Variants in TUSC3 observed in about 807,000 individuals in gnomAD.
TUSC3 encodes the protein tumor suppressor candidate 3.
A neutral mutation model predicts 44.8 loss-of-function variants in TUSC3; 45 were observed. That is an observed-to-expected ratio of 1.00 (90% CI 0.79 to 1.29). TUSC3 has a LOEUF of 1.29. TUSC3 is among the 50% of genes most tolerant of loss of function. The pLI is 0.00. For missense variants in TUSC3, 519 were observed against 437.9 expected (o/e 1.19, Z -1.65); for synonymous variants, 212 against 152.9 (o/e 1.39, Z -2.85).
chr8:15,786,261 A>G, the TUSC3 span, among the ~76,000 whole-genome samples: 2 of 152,222 alleles, frequency 1.3e-5, no homozygotes, highest in Non-Finnish European at 2.9e-5. Context: ...GACAACTTAA[A>G]CCATCTGACA....
At chr8:15,821,381 G>A in the TUSC3 span, among the ~76,000 whole-genome samples, 4 of 129,606 alleles carry the variant, frequency 3.1e-5, no homozygotes, top group Non-Finnish European at 4.9e-5. Flanking sequence ...TTTTTGGATT[G>A]GGGAGTAGTC....
In TUSC3 at chr8:15,735,682, G is replaced by A. The variant is rs1048820752; in HGVS notation, c.862+4953G>A. Among the ~76,000 whole-genome samples the A allele has an allele frequency of 2.0e-5, 3 of 151,900 alleles. No homozygotes were observed. In the South Asian group the frequency reaches 6.2e-4, roughly 32 times the overall value. On this transcript the variant is annotated intron_variant, in intron 7 of 10. Coordinates refer to ENST00000503731, the MANE Select transcript of TUSC3 (RefSeq NM_006765.4). Reference sequence around the variant, plus strand: ...AGATCATCATAATAAAGATACAGTGGATATGTTGATTTATTTTTTATTTTT... The same window carrying A: ...AGATCATCATAATAAAGATACAGTGAATATGTTGATTTATTTTTTATTTTT...
chr8:15,699,483 A>T (rs1809306496), intron 6 of TUSC3, among the ~76,000 whole-genome samples: 3 of 152,118 alleles, frequency 2.0e-5, no homozygotes, highest in Non-Finnish European at 1.5e-5. Flanking sequence ...CTAACATAAA[A>T]CCTAGCATTA....
intron 1 of TUSC3, among the ~76,000 whole-genome samples, chr8:15,551,471 G>A (rs1181356952): frequency 6.6e-6 from 1 of 151,570 alleles, no homozygotes; most frequent in Non-Finnish European, 1.5e-5. Context: ...TATATGATTC[G>A]TGGGGGGTAA....
chr8:15,770,495 G>A (rs920213991), downstream of TUSC3, among the ~76,000 whole-genome samples: 2 of 152,210 alleles, frequency 1.3e-5, no homozygotes, highest in South Asian at 4.1e-4. Context: ...ACCATGGCAT[G>A]TGTATACCTC....
rs190033007 is a variant in TUSC3, at chr8:15,605,180, C to G, written c.139-17900C>G. On this transcript the variant is annotated intron_variant, in intron 1 of 10. Coordinates refer to ENST00000503731, the MANE Select transcript of TUSC3 (RefSeq NM_006765.4). Reference sequence around the variant, plus strand: ...TCGCTTCCAAAAGAGTAGAATCAATCAATAGATGGGAAGATTAGTATAGGA... The same window carrying G: ...TCGCTTCCAAAAGAGTAGAATCAATGAATAGATGGGAAGATTAGTATAGGA... Among the ~76,000 whole-genome samples the G allele has an allele frequency of 1.4e-4, 21 of 151,934 alleles. No homozygotes were observed. In the East Asian group the frequency reaches 3.9e-3, roughly 28 times the overall value.
chr8:15,678,265 G>C (rs1460540842), intron 6 of TUSC3, among the ~76,000 whole-genome samples: 1 of 152,174 alleles, frequency 6.6e-6, no homozygotes, highest in Non-Finnish European at 1.5e-5. Flanking sequence ...GTCAAAGAAA[G>C]CCATCTAGTC....
chr8:15,618,164 G>A (rs999029920), intron 1 of TUSC3, among the ~76,000 whole-genome samples: 1 of 152,196 alleles, frequency 6.6e-6, no homozygotes, highest in South Asian at 2.1e-4. Context: ...GTAGCGGTGA[G>A]TGAGTGTGAA....
chr8:15,718,037 A>C (rs1810130450), intron 6 of TUSC3, among the ~76,000 whole-genome samples: 1 of 152,060 alleles, frequency 6.6e-6, no homozygotes, highest in Admixed American at 6.6e-5. Context: ...TAAGTACTAG[A>C]TATTGATTGA....
At chr8:15,462,905 A>G (rs1334976424) in intron 1 of TUSC3, among the ~76,000 whole-genome samples, 1 of 152,118 alleles carries the variant, frequency 6.6e-6, no homozygotes, top group African/African-American at 2.4e-5. Flanking sequence ...CAAGTGTAGA[A>G]CAAGTTCAAA....
intron 6 of TUSC3, among the ~76,000 whole-genome samples, chr8:15,723,867 G>T (rs2129205268): frequency 6.6e-6 from 1 of 152,260 alleles, no homozygotes; most frequent in Admixed American, 6.5e-5. Flanking sequence ...CTCAGGACTA[G>T]TATCATGACT....
At chr8:15,819,626 T>C in the TUSC3 span, among the ~76,000 whole-genome samples, 2 of 149,384 alleles carry the variant, frequency 1.3e-5, no homozygotes, top group Non-Finnish European at 3.0e-5. Context: ...AAGTTTCTTA[T>C]ACTTGTAAGT....
the TUSC3 span, among the ~76,000 whole-genome samples, chr8:15,798,623 T>A: frequency 7.2e-6 from 1 of 139,820 alleles, no homozygotes; most frequent in East Asian, 2.2e-4. Context: ...AATTTGTTCA[T>A]CCCAGTCAGT....
chr8:15,798,387 A>G, the TUSC3 span, among the ~76,000 whole-genome samples: 1 of 152,160 alleles, frequency 6.6e-6, no homozygotes, highest in African/African-American at 2.4e-5. Context: ...CCCCTTTTCA[A>G]AATTCCCAAA....
At chr8:15,667,608 T>C (rs911866847) in intron 5 of TUSC3, among the ~76,000 whole-genome samples, 4 of 151,766 alleles carry the variant, frequency 2.6e-5, no homozygotes, top group Non-Finnish European at 5.9e-5. Context: ...AATTTTCACT[T>C]TCACTAGCAG....
chr8:15,608,934 T>C (rs1365526518), intron 1 of TUSC3, among the ~76,000 whole-genome samples: 1 of 152,204 alleles, frequency 6.6e-6, no homozygotes, highest in Non-Finnish European at 1.5e-5. Flanking sequence ...CCAAAAAACT[T>C]GACTTGCTCT....
rs560869500 is a variant in TUSC3 at position 15,513,077 on chromosome 8, C to T, written n.189+29594C>T. 1.4e-4 allele frequency among the ~76,000 whole-genome samples: 21 copies of T among 150,546 alleles called. No individual in the cohort carries two copies. In the South Asian group the frequency reaches 4.2e-3, roughly 30 times the overall value. Reference sequence around the variant, plus strand: ...GTTAGGAATTACAATTGTAACGTTACCAAAATTATTACTCGAAAAATTAAT... The same window carrying T: ...GTTAGGAATTACAATTGTAACGTTATCAAAATTATTACTCGAAAAATTAAT... On this transcript the variant is annotated intron_variant and non_coding_transcript_variant, in intron 2 of 5. Transcript: ENST00000503191.
At chr8:15,768,886 C>G (rs1331882171), downstream of TUSC3, among the ~76,000 whole-genome samples, 2 of 152,072 alleles carry the variant, frequency 1.3e-5, no homozygotes, top group Admixed American at 6.6e-5. Flanking sequence ...TGCGAAGGAC[C>G]TCTTCAAGGA....
At chr8:15,812,325 G>C in the TUSC3 span, among the ~76,000 whole-genome samples, 1 of 152,182 alleles carries the variant, frequency 6.6e-6, no homozygotes, top group Non-Finnish European at 1.5e-5. Context: ...GAGGTTGTCT[G>C]TGTACGTTCT....
Sources: gnomAD v4.1 joint callset for allele counts (sites outside exome capture counted in the v4.1 genomes callset) on GRCh38, gnomAD v4.1.1 for gene constraint, MANE v1.5 for transcripts, NCBI Gene and HGNC (gene_info 2026-07-23, HGNC 2026-07-21) for gene names.